RTL4: variants seen among roughly 807,000 people sequenced by gnomAD.
The protein encoded by RTL4 is retrotransposon Gag like 4, also known as retrotransposon Gag-like protein 4.
In RTL4, 4 loss-of-function variants were observed where a neutral mutation model predicts 5.3. That is an observed-to-expected ratio of 0.75 (90% CI 0.37 to 1.72). RTL4 has a LOEUF of 1.72. Among genes scored for constraint, RTL4 ranks in the 40% most tolerant of loss-of-function variants. RTL4 has a pLI of 0.04. For missense variants in RTL4, 260 were observed against 227.1 expected (o/e 1.14, Z -0.93); for synonymous variants, 98 against 87.3 (o/e 1.12, Z -0.68).
chrX:112,255,736 CG>C, the RTL4 span, among the ~76,000 whole-genome samples: 1 of 111,777 alleles, frequency 8.9e-6, no homozygotes, highest in Non-Finnish European at 1.9e-5. Context: ...CTTGCCTCAA[CG>C]TATTTGAAGA....
At chrX:112,397,274 C>T in the RTL4 span, among the ~76,000 whole-genome samples, 1,116 of 111,958 alleles carry the variant, frequency 1.0e-2, 5 homozygotes, top group Non-Finnish European at 0.016. Context: ...TTTAAATCAT[C>T]TCTAGATTAC....
chrX:112,110,126 C>T, the RTL4 span, among the ~76,000 whole-genome samples: 3 of 111,732 alleles, frequency 2.7e-5, no homozygotes, highest in East Asian at 2.8e-4. Flanking sequence ...GTTTGAAAGG[C>T]GTTGTCTGAT....
chrX:112,176,123 T>A, the RTL4 span, among the ~76,000 whole-genome samples: 10 of 111,060 alleles, frequency 9.0e-5, no homozygotes, highest in Middle Eastern at 4.2e-3. Context: ...TGAACTCCCA[T>A]TCACAATTGC....
chrX:112,341,474 G>A, the RTL4 span, among the ~76,000 whole-genome samples: 1 of 111,511 alleles, frequency 9.0e-6, no homozygotes, highest in African/African-American at 3.3e-5. Flanking sequence ...TTTTGTGAGT[G>A]GGACCAGGGG....
the RTL4 span, among the ~76,000 whole-genome samples, chrX:112,218,997 T>C: frequency 5.4e-5 from 6 of 112,122 alleles, no homozygotes; most frequent in South Asian, 2.2e-3. Flanking sequence ...TTTTAAGAAG[T>C]AGCCAGAATT....
the RTL4 span, among the ~76,000 whole-genome samples, chrX:112,362,232 G>T: frequency 5.4e-5 from 6 of 111,956 alleles, no homozygotes; most frequent in East Asian, 1.7e-3. Flanking sequence ...TTGAGCTCTT[G>T]CTACTCTTCT....
the RTL4 span, among the ~76,000 whole-genome samples, chrX:112,437,789 AGTGGTGGTGGTGATGGTG>A: frequency 4.1e-5 from 3 of 72,489 alleles, no homozygotes; most frequent in Admixed American, 1.8e-4. Context: ...AAGTCATGGT[AGTGGTGGTGGTGATGGTG>A]GTGGTGGTGG....
chrX:112,320,594 G>A, the RTL4 span, among the ~76,000 whole-genome samples: 31 of 110,515 alleles, frequency 2.8e-4, no homozygotes. Context: ...TATTAATGAT[G>A]GAAGTAAAGA....
chrX:112,442,635 C>A, the RTL4 span, among the ~76,000 whole-genome samples: 2 of 111,730 alleles, frequency 1.8e-5, no homozygotes, highest in Non-Finnish European at 3.8e-5. Flanking sequence ...TAATGTTCTG[C>A]ACAGAGTCAT....
the RTL4 span, among the ~76,000 whole-genome samples, chrX:112,440,152 A>C: frequency 5.4e-5 from 6 of 112,033 alleles, no homozygotes; most frequent in East Asian, 1.4e-3. Flanking sequence ...TATAAAGTCA[A>C]CTCAAACCCA....
At chrX:112,275,199 T>TTC in the RTL4 span, among the ~76,000 whole-genome samples, 2 of 109,761 alleles carry the variant, frequency 1.8e-5, no homozygotes, top group Admixed American at 9.8e-5. Context: ...TTTTTTTTTT[T>TTC]TCCAGTCTGG....
the RTL4 span, among the ~76,000 whole-genome samples, chrX:112,253,329 A>G: frequency 3.6e-5 from 4 of 112,046 alleles, no homozygotes; most frequent in African/African-American, 6.5e-5. Flanking sequence ...TTTGTAAATC[A>G]CTAATGTGAC....
chrX:112,157,937 C>G, the RTL4 span, among the ~76,000 whole-genome samples: 1 of 111,833 alleles, frequency 8.9e-6, no homozygotes, highest in Non-Finnish European at 1.9e-5. Context: ...CTGCTGAGAT[C>G]TTGCTTTTAG....
the RTL4 span, among the ~76,000 whole-genome samples, chrX:112,121,161 G>T: frequency 8.9e-6 from 1 of 112,004 alleles, no homozygotes; most frequent in East Asian, 2.8e-4. Flanking sequence ...AAAGATAGTT[G>T]TATTTATTCC....
chrX:112,387,687 T>C, the RTL4 span, among the ~76,000 whole-genome samples: 3 of 111,996 alleles, frequency 2.7e-5, no homozygotes, highest in Non-Finnish European at 5.6e-5. Context: ...TCCCCATTGC[T>C]TGTTTTTGTT....
At chrX:112,205,462 C>T in the RTL4 span, among the ~76,000 whole-genome samples, 1 of 111,444 alleles carries the variant, frequency 9.0e-6, no homozygotes, top group African/African-American at 3.3e-5. Context: ...ATTGTATATA[C>T]CTATACAAAA....
At chrX:112,265,939 G>A in the RTL4 span, among the ~76,000 whole-genome samples, 1 of 110,407 alleles carries the variant, frequency 9.1e-6, no homozygotes, top group Middle Eastern at 4.7e-3. Context: ...GCCCCTCACA[G>A]TCACCCTCTC....
the RTL4 span, among the ~76,000 whole-genome samples, chrX:112,315,479 G>T: frequency 1.8e-5 from 2 of 111,338 alleles, no homozygotes; most frequent in East Asian, 2.8e-4. Flanking sequence ...GAAATCTGCC[G>T]TTTTCTTTTA....
chrX:112,403,232 T>C, the RTL4 span, among the ~76,000 whole-genome samples: 1 of 111,764 alleles, frequency 8.9e-6, no homozygotes, highest in African/African-American at 3.3e-5. Context: ...CCCCACCAAA[T>C]TGGCTTTAGT....
Sources: allele counts gnomAD v4.1 joint callset (sites outside exome capture counted in the v4.1 genomes callset), GRCh38; gene constraint gnomAD v4.1.1; transcripts MANE v1.5; gene names NCBI Gene and HGNC (gene_info 2026-07-23, HGNC 2026-07-21).